The following ZNF385B variants were observed in gnomAD, a reference collection of about 807,000 sequenced individuals.
ZNF385B encodes zinc finger protein 385B.
A neutral mutation model predicts 39.2 loss-of-function variants in ZNF385B; 23 were observed. That is an observed-to-expected ratio of 0.59 (90% confidence interval 0.42 to 0.83). The LOEUF is 0.83. Ranked by LOEUF, ZNF385B falls within the 40% of genes least tolerant of loss-of-function variation. ZNF385B has a pLI of 0.00. For synonymous variants in ZNF385B, 205 were observed against 222.6 expected (o/e 0.92, Z 0.70); for missense variants, 552 against 598.9 (o/e 0.92, Z 0.82).
intron 3 of ZNF385B, among the ~76,000 whole-genome samples, chr2:179,634,802 C>G (rs574080058): frequency 1.6e-4 from 25 of 152,162 alleles, no homozygotes; most frequent in African/African-American, 5.8e-4. Flanking sequence ...TGGAACCAAC[C>G]CAGATGTCCC....
chr2:179,529,437 T>C (rs1018496939), intron 4 of ZNF385B, among the ~76,000 whole-genome samples: 1 of 152,194 alleles, frequency 6.6e-6, no homozygotes, highest in African/African-American at 2.4e-5. Flanking sequence ...TCTTCAAGAT[T>C]TGATGTTCCT....
intron 6 of ZNF385B, among the ~76,000 whole-genome samples, chr2:179,467,316 A>G (rs1162476793): frequency 1.3e-5 from 2 of 152,188 alleles, no homozygotes; most frequent in Non-Finnish European, 2.9e-5. Flanking sequence ...AACACCCACT[A>G]GTTAGCTGAC....
At chr2:179,804,399 A>G (rs1338037521) in intron 1 of ZNF385B, among the ~76,000 whole-genome samples, 1 of 152,192 alleles carries the variant, frequency 6.6e-6, no homozygotes, top group African/African-American at 2.4e-5. Flanking sequence ...TCTTACTCAG[A>G]GCCTGATTTC....
chr2:179,473,302 G>A (rs1404758548), intron 6 of ZNF385B, among the ~76,000 whole-genome samples: 1 of 152,140 alleles, frequency 6.6e-6, no homozygotes, highest in Non-Finnish European at 1.5e-5. Context: ...TACATAAAGA[G>A]GAATGTAAGT....
intron 3 of ZNF385B, among the ~76,000 whole-genome samples, chr2:179,639,164 G>T (rs867812146): frequency 7.1e-6 from 1 of 141,176 alleles, no homozygotes; most frequent in Non-Finnish European, 1.5e-5. Flanking sequence ...TAAGGTTAAG[G>T]CCGCAGTGAG....
intron 3 of ZNF385B, among the ~76,000 whole-genome samples, chr2:179,715,223 A>G (rs1384780331): frequency 6.6e-6 from 1 of 152,108 alleles, no homozygotes; most frequent in African/African-American, 2.4e-5. Context: ...TACTCTTAGT[A>G]CTACTTGAAC....
intron 3 of ZNF385B, among the ~76,000 whole-genome samples, chr2:179,765,808 T>C (rs1703655394): frequency 6.6e-6 from 1 of 152,132 alleles, no homozygotes; most frequent in African/African-American, 2.4e-5. Context: ...CCAAGACCCA[T>C]CTGCGGTTTC....
intron 4 of ZNF385B, among the ~76,000 whole-genome samples, chr2:179,539,388 C>T (rs1200449350): frequency 6.6e-6 from 1 of 152,182 alleles, no homozygotes; most frequent in African/African-American, 2.4e-5. Flanking sequence ...GGGGTTATGA[C>T]TTCAACATAT....
At chr2:179,661,743 T>C (rs1319504682) in intron 3 of ZNF385B, among the ~76,000 whole-genome samples, 2 of 152,214 alleles carry the variant, frequency 1.3e-5, no homozygotes, top group Non-Finnish European at 2.9e-5. Flanking sequence ...TCCATAATCA[T>C]TTGCGTCTTA....
chr2:179,847,742 A>C (rs1416120249), intron 1 of ZNF385B, among the ~76,000 whole-genome samples: 1 of 152,188 alleles, frequency 6.6e-6, no homozygotes, highest in East Asian at 1.9e-4. Flanking sequence ...GGAAGGGACT[A>C]GAGTAAAGAA....
At chr2:179,819,559 A>G (rs1193941289) in intron 1 of ZNF385B, among the ~76,000 whole-genome samples, 6 of 152,138 alleles carry the variant, frequency 3.9e-5, no homozygotes, top group African/African-American at 1.4e-4. Flanking sequence ...AACCTAATTC[A>G]ATGCTGTCCC....
intron 5 of ZNF385B, among the ~76,000 whole-genome samples, chr2:179,503,341 T>C (rs2056934456): frequency 6.6e-6 from 1 of 152,206 alleles, no homozygotes; most frequent in Non-Finnish European, 1.5e-5. Context: ...CCAATAAAAG[T>C]ACAATTTGCC....
intron 1 of ZNF385B, among the ~76,000 whole-genome samples, chr2:179,836,813 C>A (rs1014266810): frequency 6.6e-6 from 1 of 152,164 alleles, no homozygotes; most frequent in African/African-American, 2.4e-5. Context: ...CCACCGCGCA[C>A]GGCCTTGTGT....
At chr2:179,488,691 A>G (rs890474245) in intron 5 of ZNF385B, among the ~76,000 whole-genome samples, 1 of 152,050 alleles carries the variant, frequency 6.6e-6, no homozygotes, top group African/African-American at 2.4e-5. Flanking sequence ...AATTAAAACT[A>G]CTGGCATCTG....
intron 3 of ZNF385B, among the ~76,000 whole-genome samples, chr2:179,752,475 G>C (rs1197290168): frequency 6.6e-6 from 1 of 152,182 alleles, no homozygotes; most frequent in Non-Finnish European, 1.5e-5. Flanking sequence ...GGGTCAAATG[G>C]TATTTCTAGT....
chr2:179,752,512 T>C (rs1702742234), intron 3 of ZNF385B, among the ~76,000 whole-genome samples: 1 of 152,252 alleles, frequency 6.6e-6, no homozygotes, highest in South Asian at 2.1e-4. Context: ...ATTGCCACAC[T>C]ATCTTCCACA....
chr2:179,709,602 T>C (rs918237641), intron 3 of ZNF385B, among the ~76,000 whole-genome samples: 12 of 152,154 alleles, frequency 7.9e-5, no homozygotes, highest in Middle Eastern at 3.2e-3. Flanking sequence ...ACGTGGCCCA[T>C]TGGCTACATA....
intron 6 of ZNF385B, among the ~76,000 whole-genome samples, chr2:179,479,741 A>T (rs1384509792): frequency 2.6e-5 from 4 of 152,124 alleles, no homozygotes; most frequent in Admixed American, 2.6e-4. Context: ...TCGGAGGCTG[A>T]GGCATGAGAA....
At chr2:179,540,643 T>C (rs1357937497) in intron 4 of ZNF385B, among the ~76,000 whole-genome samples, 2 of 152,162 alleles carry the variant, frequency 1.3e-5, no homozygotes, top group Non-Finnish European at 2.9e-5. Flanking sequence ...TGGGACCCTT[T>C]CCTCTCTTCC....
Sources: gnomAD v4.1 joint callset for allele counts (sites outside exome capture counted in the v4.1 genomes callset) on GRCh38, gnomAD v4.1.1 for gene constraint, MANE v1.5 for transcripts, NCBI Gene and HGNC (gene_info 2026-07-23, HGNC 2026-07-21) for gene names.